The following NMT1 variants were observed in gnomAD, a reference collection of about 807,000 sequenced individuals.
The protein encoded by NMT1 is N-myristoyltransferase 1.
NMT1 carries 12 observed loss-of-function variants against 63.4 expected under a neutral mutation model. That is an observed-to-expected ratio of 0.19 (90% CI 0.12 to 0.31). The LOEUF (loss-of-function observed/expected upper bound fraction) is 0.31. NMT1 is among the 10% of genes least tolerant of loss of function. The pLI is 1.00. For synonymous variants in NMT1, 228 were observed against 234.3 expected (o/e 0.97, Z 0.25); for missense variants, 432 against 634.6 (o/e 0.68, Z 3.43).
chr17:45,082,606 T>G (rs1226457853), intron 2 of NMT1, among the ~76,000 whole-genome samples: 1 of 152,206 alleles, frequency 6.6e-6, no homozygotes, highest in Non-Finnish European at 1.5e-5. Context: ...ATTGTTTTGT[T>G]TCTTAAATAA....
rs745596553 is a variant in NMT1, at chr17:45,098,570, T to G, written c.884+18T>G. 1 of 1,611,452 alleles carries G rather than the reference T, an allele frequency of 6.2e-7. No individual in the cohort carries two copies. Among genetic ancestry groups the G allele is most frequent in the South Asian group, 1.1e-5 (1 of 90,986 alleles). On this transcript the variant is annotated intron_variant, in intron 7 of 11. Coordinates refer to ENST00000258960, the MANE Select transcript of NMT1 (RefSeq NM_021079.5). The stretch of plus-strand genomic sequence containing the variant: ...ACCTGCAGGTAAAACTGTCTTCCTG[T>G]AAGGCCCCAAAAATGCGGGTGTCTG...
intron 1 of NMT1, among the ~76,000 whole-genome samples, chr17:45,078,367 G>A (rs1333358296): frequency 6.6e-6 from 1 of 152,144 alleles, no homozygotes; most frequent in Non-Finnish European, 1.5e-5. Context: ...TTAAGTCCAA[G>A]GGTAAGGTCA....
At chr17:45,068,000 G>A (rs149507414) in intron 1 of NMT1, among the ~76,000 whole-genome samples, 1 of 152,252 alleles carries the variant, frequency 6.6e-6, no homozygotes, top group African/African-American at 2.4e-5. Context: ...AGATTTATGA[G>A]CCATACATTT....
chr17:45,086,477 C>G, intron 2 of NMT1, 31 bp from the exon 3 acceptor site: 1 of 1,583,340 alleles, frequency 6.3e-7, no homozygotes, highest in Non-Finnish European at 8.6e-7. Flanking sequence ...ACATAATGGG[C>G]CTTTTTTCTC....
chr17:45,090,613 G>A (rs1329615140), intron 3 of NMT1, among the ~76,000 whole-genome samples: 2 of 152,068 alleles, frequency 1.3e-5, no homozygotes, highest in African/African-American at 4.8e-5. Context: ...AATGTTTTCC[G>A]CATCTCAGAC....
At chr17:45,070,056 G>T in intron 1 of NMT1, among the ~76,000 whole-genome samples, 1 of 152,052 alleles carries the variant, frequency 6.6e-6, no homozygotes, top group South Asian at 2.1e-4. Flanking sequence ...GTCTCATTCC[G>T]GTTTTAAGGA....
At position 45,104,069 on chromosome 17, in the gene NMT1, G is replaced by T. The variant is rs555635530; in HGVS notation, c.1332+193G>T. 50 of 1,517,872 alleles carry T rather than the reference G, an allele frequency of 3.3e-5. No homozygotes were observed. Among genetic ancestry groups the T allele is most frequent in the Non-Finnish European group, 4.2e-5 (48 of 1,136,928 alleles). The allele number at this position is 1,517,872 out of a possible 1,614,324, so 94.0% of individuals were successfully genotyped here. Reference sequence around the variant, plus strand: ...TTGGAGGGAACAAGGAGCATCCGAAGTGAAGGCATTGAACTCCTCCTGATT... The same window carrying T: ...TTGGAGGGAACAAGGAGCATCCGAATTGAAGGCATTGAACTCCTCCTGATT... On this transcript the variant is annotated intron_variant, in intron 10 of 11. Transcript: ENST00000258960. The surrounding 1 kb of genome is among the most constrained non-coding windows in gnomAD (Gnocchi z 4.2).
intron 1 of NMT1, among the ~76,000 whole-genome samples, chr17:45,066,298 A>G (rs1598000398): frequency 6.6e-6 from 1 of 151,462 alleles, no homozygotes; most frequent in South Asian, 2.1e-4. Flanking sequence ...CAGGCAATCC[A>G]CCTGCCTTGG....
In NMT1 at chr17:45,061,474, C is replaced by T; in HGVS notation, c.131+14C>T. ...CTACAACCGGGGGTAACGAAATCCT[C>T]GGAGTCCAATTCCCGTCCAGCCTCC... On this transcript the variant is annotated intron_variant, in intron 1 of 11. Coordinates refer to ENST00000258960, the MANE Select transcript of NMT1 (RefSeq NM_021079.5). 3 of 1,609,546 alleles carry T rather than the reference C, an allele frequency of 1.9e-6. No homozygotes were observed. The highest frequency in any genetic ancestry group is 1.3e-5 in the African/African-American group (1 of 74,928).
intron 3 of NMT1, among the ~76,000 whole-genome samples, chr17:45,091,365 C>T (rs2054086783): frequency 6.6e-6 from 1 of 152,136 alleles, no homozygotes; most frequent in Admixed American, 6.5e-5. Context: ...CAGCCCCTGC[C>T]ACAGAACTGG....
intron 1 of NMT1, among the ~76,000 whole-genome samples, chr17:45,074,657 A>C (rs2053966555): frequency 6.6e-6 from 1 of 152,130 alleles, no homozygotes; most frequent in South Asian, 2.1e-4. Flanking sequence ...TTTTGTATGA[A>C]CTGCCATCTG....
intron 1 of NMT1, among the ~76,000 whole-genome samples, chr17:45,076,003 G>A (rs1384911995): frequency 6.6e-6 from 1 of 152,182 alleles, no homozygotes; most frequent in Non-Finnish European, 1.5e-5. Context: ...CTGTGATGAG[G>A]AGGCTGCAGT....
Position 45,105,653 on chromosome 17 carries a change from C to T in NMT1, c.*14C>T, listed in dbSNP as rs1393899624. 5 of 1,611,618 alleles carry T rather than the reference C, an allele frequency of 3.1e-6. No individual in the cohort carries two copies. Among genetic ancestry groups the T allele is most frequent in the Admixed American group, 3.4e-5 (2 of 59,482 alleles). ...GTGCTACAATAACCAGTCACCAGTG[C>T]GATTCTGGATAAAGCCACTGAAAAT... On this transcript the variant is annotated 3_prime_UTR_variant, in exon 12 of 12. Transcript: ENST00000258960. The surrounding 1 kb of genome is among the most constrained non-coding windows in gnomAD (Gnocchi z 4.2).
intron 1 of NMT1, among the ~76,000 whole-genome samples, chr17:45,077,896 G>A (rs985713690): frequency 1.3e-5 from 2 of 152,136 alleles, no homozygotes; most frequent in African/African-American, 4.8e-5. Context: ...TGGGGGTTTT[G>A]CTGAGCATCT....
chr17:45,069,959 G>A (rs2053929250), intron 1 of NMT1, among the ~76,000 whole-genome samples: 1 of 151,790 alleles, frequency 6.6e-6, no homozygotes, highest in South Asian at 2.1e-4. Context: ...CTTGATAATG[G>A]TCTCTGAACA....
At chr17:45,094,814 C>CTTT (rs770599475) in intron 4 of NMT1, among the ~76,000 whole-genome samples, 6 of 116,678 alleles carry the variant, frequency 5.1e-5, no homozygotes, top group African/African-American at 1.3e-4. Context: ...CTAGGCCTGG[C>CTTT]TTTTTTTTTT....
intron 1 of NMT1, among the ~76,000 whole-genome samples, chr17:45,071,761 C>T (rs931288296): frequency 4.6e-5 from 7 of 151,966 alleles, no homozygotes; most frequent in Non-Finnish European, 2.9e-5. Context: ...ACTTTGTCAC[C>T]CAGGATGGAG....
At chr17:45,081,800 A>C (rs757745898) in intron 2 of NMT1, 48 bp downstream of exon 2, 4 of 1,415,200 alleles carry the variant, frequency 2.8e-6, no homozygotes, top group Admixed American at 4.4e-5. Flanking sequence ...TTTTCACATG[A>C]GAGAGTTTTG....
At chr17:45,102,194 G>C (rs1388854252) in intron 8 of NMT1, among the ~76,000 whole-genome samples, 1 of 152,210 alleles carries the variant, frequency 6.6e-6, no homozygotes, top group Non-Finnish European at 1.5e-5. Context: ...ATTGTGTCAG[G>C]CACTGACTGA....
Sources: gnomAD v4.1 joint callset for allele counts (sites outside exome capture counted in the v4.1 genomes callset) on GRCh38, gnomAD v4.1.1 for gene constraint, Gnocchi (gnomAD v3.1) non-coding constraint, MANE v1.5 for transcripts, NCBI Gene and HGNC (gene_info 2026-07-23, HGNC 2026-07-21) for gene names.